The following GIT2 variants were observed in gnomAD, a reference collection of about 807,000 sequenced individuals.
GIT2 encodes GIT ArfGAP 2.
A neutral mutation model predicts 100.3 loss-of-function variants in GIT2; 32 were observed. The observed-to-expected ratio is 0.32, with a 90% confidence interval of 0.24 to 0.43. GIT2 has a LOEUF of 0.43. Among genes scored for constraint, GIT2 ranks in the 20% least tolerant of loss-of-function variants. The probability of loss-of-function intolerance (pLI) is 1.00; values close to 1 mark genes in which losing one functional copy is unlikely to be tolerated. For synonymous variants in GIT2, 353 were observed against 364.1 expected, an observed-to-expected ratio of 0.97 and a Z score of 0.35; for missense variants, 737 against 975.1, an observed-to-expected ratio of 0.76 and a Z score of 3.25.
chr12:109,996,202 C>T lies in GIT2; in HGVS notation c.23G>A (p.Ser8Asn), dbSNP rs2137043935. MSKRLRS[S>N]EVCADCSGPD... ...CCCGCTGCAGTCAGCGCACACCTCG[C>T]TGCTCCGGAGCCGTTTCGACATGGC... The change falls in exon 1 of 20, where the codon AGC becomes AAC. Residue 8 changes from serine to asparagine, a missense_variant. Around this residue, in one of 3 missense-constraint regions of GIT2, gnomAD observed 266 missense variants for 376.2 expected, o/e 0.71. Transcript: ENST00000355312. The T allele has an allele frequency of 6.5e-7, 1 of 1,533,238 alleles. No individual in the cohort carries two copies. The highest frequency in any genetic ancestry group is 2.6e-5 in the East Asian group (1 of 38,462). 95.0% of individuals were successfully genotyped at this position (1,533,238 alleles called of 1,614,324 possible).
chr12:109,992,017 G>C, intron 1 of GIT2: 1 of 382,890 alleles, frequency 2.6e-6, no homozygotes, highest in Non-Finnish European at 4.7e-6. Flanking sequence ...CAGGGCCACA[G>C]TTTGTAGCCC....
rs573698603 is a variant in GIT2, at chr12:109,972,491, C to G, written c.719-4988G>C. On this transcript the variant is annotated intron_variant, in intron 7 of 19. Transcript: ENST00000355312. ...AACTGATTTTTTTTTTTTTTTGAGA[C>G]ACAGTCTCGCTCTGTCGCCCAGGCA... is the stretch of plus-strand genomic sequence containing the variant. Among the ~76,000 whole-genome samples the G allele has an allele frequency of 1.4e-4, 21 of 148,208 alleles. 1 individual carries two copies. In the South Asian group the frequency reaches 3.4e-3, roughly 24 times the overall value.
Position 109,931,844 on chromosome 12 carries a change from C to T in GIT2, c.*1134G>A, listed in dbSNP as rs1313712025. 1 of 152,254 alleles carries T rather than the reference C, an allele frequency of 6.6e-6. No homozygotes were observed. Among genetic ancestry groups the T allele is most frequent in the Non-Finnish European group, 1.5e-5 (1 of 68,048 alleles). The allele number at this position is 152,254 out of a possible 1,614,324, so 9.4% of individuals were successfully genotyped here. ...TCTTTCAGAGCTTTGGGGTAGCAGG[C>T]AGCCAGCTAGAGCACACTCTCTAAG... On this transcript the variant is annotated 3_prime_UTR_variant, in exon 20 of 20. Transcript: ENST00000355312.
chr12:109,975,706 TTGAG>T (rs1285933891), intron 7 of GIT2, among the ~76,000 whole-genome samples: 1 of 152,086 alleles, frequency 6.6e-6, no homozygotes, highest in Non-Finnish European at 1.5e-5. Flanking sequence ...TTTTGATGAT[TTGAG>T]TAATTTTTAA....
At chr12:109,973,608 T>C (rs1443572673) in intron 7 of GIT2, among the ~76,000 whole-genome samples, 2 of 152,170 alleles carry the variant, frequency 1.3e-5, no homozygotes, top group African/African-American at 4.8e-5. Flanking sequence ...GTTTCCTTCT[T>C]TCAGTTTCAT....
chr12:109,956,093 T>G (rs1879372858), intron 12 of GIT2, among the ~76,000 whole-genome samples: 1 of 152,176 alleles, frequency 6.6e-6, no homozygotes, highest in Non-Finnish European at 1.5e-5. Flanking sequence ...CATGCCTGGC[T>G]AATTTTTCTT....
In GIT2 at chr12:109,994,641, G is replaced by A. The variant is rs74366633; in HGVS notation, c.52+1532C>T. Among the ~76,000 whole-genome samples, 1,393 of 152,298 alleles carry A rather than the reference G, an allele frequency of 9.1e-3. 32 individuals are homozygous for A. The highest frequency in any genetic ancestry group is 0.032 in the African/African-American group (1,321 of 41,566). ...GATACAATGGAAGAGAAAATGTTCT[G>A]AAATGCACAAAATGCTGCAAAAGTA... is the stretch of plus-strand genomic sequence containing the variant. On this transcript the variant is annotated intron_variant, in intron 1 of 19. Coordinates refer to ENST00000355312, the MANE Select transcript of GIT2 (RefSeq NM_057169.5).
intron 6 of GIT2, 194 bp downstream of exon 6, chr12:109,983,179 G>A (rs1886666450): frequency 5.6e-6 from 3 of 533,910 alleles, no homozygotes; most frequent in Non-Finnish European, 9.9e-6. Flanking sequence ...TTAGCACACT[G>A]GTTCATGATT....
rs771002857 is a variant in GIT2 at position 109,961,421 on chromosome 12, G to A, written c.890-46C>T. 8 of 1,228,858 alleles carry A rather than the reference G, an allele frequency of 6.5e-6. No individual in the cohort carries two copies. In the African/African-American group the frequency reaches 7.4e-5, roughly 11 times the overall value. 76.1% of individuals were successfully genotyped at this position (1,228,858 alleles called of 1,614,324 possible). A position where few individuals can be genotyped will look rare whatever the true frequency, so the allele number is the denominator to read the frequency against. ...GAGACAAACCTCATCACGCCTGTGT[G>A]CCACTGCTCCTGGGAGGCACAGCTC... On this transcript the variant is annotated intron_variant, in intron 10 of 19. Coordinates refer to ENST00000355312, the MANE Select transcript of GIT2 (RefSeq NM_057169.5).
chr12:109,945,955 T>G (rs968931658), intron 15 of GIT2, among the ~76,000 whole-genome samples: 2 of 151,942 alleles, frequency 1.3e-5, no homozygotes, highest in African/African-American at 4.8e-5. Context: ...GGCAACATGA[T>G]GAAACCCCGT....
chr12:109,973,460 A>G lies in GIT2; in HGVS notation c.719-5957T>C, dbSNP rs1246806107. 3.3e-5 allele frequency among the ~76,000 whole-genome samples: 5 copies of G among 151,888 alleles called. No individual in the cohort carries two copies. In the East Asian group the frequency reaches 9.7e-4, roughly 30 times the overall value. ...CCGGTCTGCTTTGTATTTTTTTTTA[A>G]TTATCCTTCCATGTCTGTGGGGTTT... is the stretch of plus-strand genomic sequence containing the variant. On this transcript the variant is annotated intron_variant, in intron 7 of 19. Transcript: ENST00000355312.
At chr12:109,984,655 C>T (rs1352445869) in intron 4 of GIT2, among the ~76,000 whole-genome samples, 1 of 151,972 alleles carries the variant, frequency 6.6e-6, no homozygotes, top group Non-Finnish European at 1.5e-5. Flanking sequence ...CTATGTTGCC[C>T]AGGCTGATCT....
intron 12 of GIT2, among the ~76,000 whole-genome samples, chr12:109,959,217 G>A (rs1037220827): frequency 5.3e-5 from 8 of 151,854 alleles, no homozygotes; most frequent in South Asian, 2.1e-4. Context: ...ACAGGCGCCC[G>A]CCACCATGCC....
At chr12:109,959,815 A>G in intron 12 of GIT2, 32 bp downstream of exon 12, 1 of 1,336,488 alleles carries the variant, frequency 7.5e-7, no homozygotes, top group South Asian at 1.2e-5. Flanking sequence ...GAGGGCCAAA[A>G]AATGCAAGTG....
At chr12:109,957,286 CT>C (rs1056222748) in intron 12 of GIT2, among the ~76,000 whole-genome samples, 54 of 152,236 alleles carry the variant, frequency 3.5e-4, no homozygotes, top group African/African-American at 1.3e-3. Flanking sequence ...CGCTCTCTTG[CT>C]TCCTCTCTCA....
At chr12:109,979,750 C>T (rs867407162) in intron 7 of GIT2, among the ~76,000 whole-genome samples, 38 of 152,264 alleles carry the variant, frequency 2.5e-4, no homozygotes, top group African/African-American at 8.7e-4. Flanking sequence ...AGCATTTGGT[C>T]CAGGTCTGTT....
At chr12:109,943,251 T>C (rs543015144) in intron 16 of GIT2, among the ~76,000 whole-genome samples, 1 of 152,354 alleles carries the variant, frequency 6.6e-6, no homozygotes, top group African/African-American at 2.4e-5. Context: ...TAATGAGATA[T>C]TTAATCACTG....
Position 109,996,161 on chromosome 12 carries a change from G to A in GIT2, c.52+12C>T. The stretch of plus-strand genomic sequence containing the variant: ...AAAGCAGAGGGGAGCGGGCCCGGCC[G>A]GTGCGACTCACCCGGCCCGCTGCAG... On this transcript the variant is annotated intron_variant, in intron 1 of 19. Transcript: ENST00000355312. 1.3e-6 allele frequency: 2 copies of A among 1,503,644 alleles called. No individual in the cohort carries two copies. Among genetic ancestry groups the A allele is most frequent in the Non-Finnish European group, 8.9e-7 (1 of 1,120,036 alleles). The allele number at this position is 1,503,644 out of a possible 1,614,324, so 93.1% of individuals were successfully genotyped here. A position where few individuals can be genotyped will look rare whatever the true frequency, so the allele number is the denominator to read the frequency against.
chr12:109,985,428 A>G (rs56247994), intron 4 of GIT2, among the ~76,000 whole-genome samples: 27,041 of 145,894 alleles, frequency 0.19, 4,615 homozygotes, highest in African/African-American at 0.46. Flanking sequence ...AAGGGGGGGG[A>G]AAAAAGGCCA....
Sources: gnomAD v4.1 joint callset for allele counts (sites outside exome capture counted in the v4.1 genomes callset) on GRCh38, gnomAD v4.1.1 for gene constraint, gnomAD v4.1.1 regional missense constraint, MANE v1.5 for transcripts, NCBI Gene and HGNC (gene_info 2026-07-23, HGNC 2026-07-21) for gene names.